MARCHF7: variants seen among roughly 807,000 people sequenced by gnomAD.
MARCHF7 encodes the protein membrane associated ring-CH-type finger 7, also known as E3 ubiquitin-protein ligase MARCHF7.
In MARCHF7, 20 loss-of-function variants were observed where a neutral mutation model predicts 76.5. That is an observed-to-expected ratio of 0.26 (90% confidence interval 0.18 to 0.38). The LOEUF is 0.38. MARCHF7 is among the 10% of genes least tolerant of loss of function. The pLI is 1.00. For synonymous variants in MARCHF7, 295 were observed against 293.0 expected (o/e 1.01, Z -0.07); for missense variants, 797 against 812.9 (o/e 0.98, Z 0.24).
At chr2:159,761,653 C>A (rs569560199) in intron 9 of MARCHF7, among the ~76,000 whole-genome samples, 1 of 151,782 alleles carries the variant, frequency 6.6e-6, no homozygotes, top group Non-Finnish European at 1.5e-5. Flanking sequence ...CTCAAGTGAT[C>A]CACCCACTCC....
intron 8 of MARCHF7, among the ~76,000 whole-genome samples, chr2:159,758,056 CTT>C (rs1172106223): frequency 6.6e-6 from 1 of 152,146 alleles, no homozygotes; most frequent in Non-Finnish European, 1.5e-5. Context: ...ACTACTTAAT[CTT>C]TTTTGAATCT....
chr2:159,732,789 C>T, intron 4 of MARCHF7: 1 of 957,490 alleles, frequency 1.0e-6, no homozygotes, highest in Non-Finnish European at 1.2e-6. Flanking sequence ...ACCTCAGCCT[C>T]CCAAAGTGAT....
intron 7 of MARCHF7, among the ~76,000 whole-genome samples, chr2:159,750,367 A>G (rs1705483831): frequency 6.6e-6 from 1 of 152,214 alleles, no homozygotes; most frequent in Non-Finnish European, 1.5e-5. Context: ...TCTATTAAAA[A>G]TACAAAATTT....
At chr2:159,730,211 G>A (rs151139908) in intron 4 of MARCHF7, among the ~76,000 whole-genome samples, 1 of 152,238 alleles carries the variant, frequency 6.6e-6, no homozygotes, top group Non-Finnish European at 1.5e-5. Context: ...TAGTTCTTTG[G>A]CTTTTGAAAT....
intron 4 of MARCHF7, among the ~76,000 whole-genome samples, chr2:159,738,367 G>C (rs1314686489): frequency 6.6e-6 from 1 of 152,194 alleles, no homozygotes; most frequent in Non-Finnish European, 1.5e-5. Context: ...TGGTGAGTGG[G>C]GGGTAGGAAG....
chr2:159,712,563 A>G lies in MARCHF7; in HGVS notation c.-186A>G, dbSNP rs1700289713. On this transcript the variant is annotated 5_prime_UTR_variant, in exon 1 of 12. Coordinates refer to ENST00000409175, the MANE Select transcript of MARCHF7 (RefSeq NM_001282805.2). ...GCCATTGTGCTTCGCTGCCGACTGC[A>G]TTTCCTCAGTCACGGGCCTAGAACT... 1.3e-5 allele frequency: 2 copies of G among 152,554 alleles called. No individual in the cohort carries two copies. The highest frequency in any genetic ancestry group is 2.9e-5 in the Non-Finnish European group (2 of 68,160). The allele number at this position is 152,554 out of a possible 1,614,324, so 9.5% of individuals were successfully genotyped here.
chr2:159,743,064 A>G lies in MARCHF7; in HGVS notation c.157A>G (p.Thr53Ala), dbSNP rs778301376. 4.3e-6 allele frequency: 7 copies of G among 1,613,032 alleles called. No homozygotes were observed. Among genetic ancestry groups the G allele is most frequent in the African/African-American group, 1.3e-5 (1 of 75,014 alleles). The change falls in exon 5 of 12, where the codon ACA becomes GCA. Residue 53 changes from threonine to alanine, a missense_variant. By Grantham distance (58) the Thr-to-Ala change is moderately conservative (BLOSUM62 0). Coordinates refer to ENST00000409175, the MANE Select transcript of MARCHF7 (RefSeq NM_001282805.2). Reference sequence around the variant, plus strand: ...AAAAATTTTTTTGAACTCACAGTCTACATCAGCATCAGCATCTGCGTCACC... The same window carrying G: ...AAAAATTTTTTTGAACTCACAGTCTGCATCAGCATCAGCATCTGCGTCACC... ...SFRLDSEYQSTSASASASPFQ... is the reference protein window; with the variant it reads ...SFRLDSEYQSASASASASPFQ...
At position 159,745,835 on chromosome 2, in the gene MARCHF7, G is replaced by C. The variant is rs1704801380; in HGVS notation, c.412G>C (p.Asp138His). ...SSMVLGSFGT[D>H]LMRERRDLER... Reference sequence around the variant, plus strand: ...AATGGTACTTGGATCATTTGGAACAGACTTAATGAGAGAGAGGAGAGATTT... The same window carrying C: ...AATGGTACTTGGATCATTTGGAACACACTTAATGAGAGAGAGGAGAGATTT... The change falls in exon 6 of 12, where the codon GAC becomes CAC. Residue 138 changes from aspartate (D) to histidine (H), a missense_variant. By Grantham distance (81) the Asp-to-His change is moderately conservative (BLOSUM62 -1). Coordinates refer to ENST00000409175, the MANE Select transcript of MARCHF7 (RefSeq NM_001282805.2). The C allele has an allele frequency of 6.2e-7, 1 of 1,612,788 alleles. No homozygotes were observed. Among genetic ancestry groups the C allele is most frequent in the African/African-American group, 1.3e-5 (1 of 74,892 alleles).
chr2:159,760,708 C>CTTTTTTTTTTTTTT (rs34933843), intron 9 of MARCHF7, among the ~76,000 whole-genome samples: 4 of 147,392 alleles, frequency 2.7e-5, no homozygotes, highest in Non-Finnish European at 4.5e-5. Context: ...CAGTTTTTTC[C>CTTTTTTTTTTTTTT]TTTTTTGTTT....
intron 3 of MARCHF7, among the ~76,000 whole-genome samples, chr2:159,716,554 G>T (rs1559986596): frequency 1.3e-5 from 2 of 152,122 alleles, no homozygotes. Flanking sequence ...GGAGGCTGAG[G>T]TGGGAGGATC....
Position 159,768,778 on chromosome 2 carries a change from T to C in MARCHF7, c.*1436T>C, listed in dbSNP as rs1043034817. The C allele has an allele frequency of 2.0e-5, 3 of 152,222 alleles. No individual in the cohort carries two copies. The highest frequency in any genetic ancestry group is 6.5e-5 in the Admixed American group (1 of 15,274). The allele number at this position is 152,222 out of a possible 1,614,324, so 9.4% of individuals were successfully genotyped here. A position where few individuals can be genotyped will look rare whatever the true frequency, so the allele number is the denominator to read the frequency against. ...ATTTAAGGGTGGTAGTTTTAATATATTCTGTGGGTCCTAAGGGATGCTTTG... is the reference window on the plus strand; with the variant it reads ...ATTTAAGGGTGGTAGTTTTAATATACTCTGTGGGTCCTAAGGGATGCTTTG... On this transcript the variant is annotated 3_prime_UTR_variant, in exon 12 of 12. Coordinates refer to ENST00000409175, the MANE Select transcript of MARCHF7 (RefSeq NM_001282805.2).
intron 3 of MARCHF7, among the ~76,000 whole-genome samples, chr2:159,720,708 A>G (rs1177822939): frequency 1.3e-5 from 2 of 152,238 alleles, no homozygotes; most frequent in Admixed American, 6.5e-5. Flanking sequence ...AGCAAGATTT[A>G]TGTTGGCTTC....
At chr2:159,741,363 CA>C (rs980895506) in intron 4 of MARCHF7, among the ~76,000 whole-genome samples, 1 of 152,046 alleles carries the variant, frequency 6.6e-6, no homozygotes, top group African/African-American at 2.4e-5. Flanking sequence ...AAAAAAACAA[CA>C]AAAAAATCTG....
At chr2:159,756,714 A>AC (rs1560024315) in intron 8 of MARCHF7, among the ~76,000 whole-genome samples, 1 of 117,428 alleles carries the variant, frequency 8.5e-6, no homozygotes, top group Non-Finnish European at 1.7e-5. Flanking sequence ...AAAAAAAAAA[A>AC]CAGATGATTC....
At chr2:159,726,112 CAA>C (rs1001474906) in intron 3 of MARCHF7, among the ~76,000 whole-genome samples, 2 of 152,038 alleles carry the variant, frequency 1.3e-5, no homozygotes, top group African/African-American at 2.4e-5. Flanking sequence ...GGTAGGGACA[CAA>C]GAGTGTTACC....
intron 3 of MARCHF7, among the ~76,000 whole-genome samples, chr2:159,718,566 T>C (rs1701290827): frequency 6.6e-6 from 1 of 152,050 alleles, no homozygotes; most frequent in Non-Finnish European, 1.5e-5. Flanking sequence ...GAGAAAAACC[T>C]TCATAAGCAG....
chr2:159,720,344 C>T (rs930605073), intron 3 of MARCHF7, among the ~76,000 whole-genome samples: 2 of 152,146 alleles, frequency 1.3e-5, no homozygotes, highest in African/African-American at 4.8e-5. Flanking sequence ...TCTGAAGAGT[C>T]TAGGCCAATT....
chr2:159,719,740 A>G (rs1701423230), intron 3 of MARCHF7, among the ~76,000 whole-genome samples: 1 of 152,030 alleles, frequency 6.6e-6, no homozygotes, highest in African/African-American at 2.4e-5. Flanking sequence ...ATCTCTTGGT[A>G]ATGGGGTGAT....
intron 4 of MARCHF7, chr2:159,732,976 T>C: frequency 1.0e-6 from 1 of 964,240 alleles, no homozygotes. Flanking sequence ...AGAATACATG[T>C]GAAGCACTTG....
Sources: allele counts gnomAD v4.1 joint callset (sites outside exome capture counted in the v4.1 genomes callset), GRCh38; gene constraint gnomAD v4.1.1; transcripts MANE v1.5; gene names NCBI Gene and HGNC (gene_info 2026-07-23, HGNC 2026-07-21).